Variants in RPRD2 observed in about 807,000 individuals in gnomAD.
The protein encoded by RPRD2 is regulation of nuclear pre-mRNA domain containing 2, also known as regulation of nuclear pre-mRNA domain-containing protein 2.
In RPRD2, 12 loss-of-function variants were observed where a neutral mutation model predicts 104.4. The observed-to-expected ratio is 0.11, with a 90% confidence interval of 0.07 to 0.19. RPRD2 has a LOEUF of 0.19. Among genes scored for constraint, RPRD2 ranks in the 10% least tolerant of loss-of-function variants. The pLI, the probability that RPRD2 is intolerant of heterozygous loss-of-function variation, is 1.00. For missense variants in RPRD2, 1,543 were observed against 1,790.1 expected (o/e 0.86, Z 2.49); for synonymous variants, 714 against 684.9 (o/e 1.04, Z -0.66).
At chr1:150,417,171 CAT>C (rs1491324251) in intron 1 of RPRD2, among the ~76,000 whole-genome samples, 44 of 124,174 alleles carry the variant, frequency 3.5e-4, no homozygotes, top group Non-Finnish European at 7.3e-4. Flanking sequence ...ATGTTCAACT[CAT>C]TTTTTTTTTG....
chr1:150,394,022 AAT>A (rs1662295280), intron 1 of RPRD2, among the ~76,000 whole-genome samples: 1 of 151,956 alleles, frequency 6.6e-6, no homozygotes, highest in Admixed American at 6.6e-5. Flanking sequence ...TTGCTGAATT[AAT>A]GTTTTTTGTT....
At position 150,409,647 on chromosome 1, in the gene RPRD2, C is replaced by CTTTT. The variant is rs10684353; in HGVS notation, c.206-7933_206-7930dup. Among the ~76,000 whole-genome samples, 63 of 114,598 alleles carry CTTTT rather than the reference C, an allele frequency of 5.5e-4. 1 individual carries two copies. The highest frequency in any genetic ancestry group is 1.3e-3 in the African/African-American group (42 of 31,128). The allele number at this position is 114,598 out of a possible 152,430, so 75.2% of individuals were successfully genotyped here. A position where few individuals can be genotyped will look rare whatever the true frequency, so the allele number is the denominator to read the frequency against. On this transcript the variant is annotated intron_variant, in intron 1 of 10. Transcript: ENST00000369068. Reference sequence around the variant, plus strand: ...GTGTTGTTGGCTTGATGTTGCAATTCTTTTTTTTTTTTTTTTTTTGAGTCG... The same window carrying CTTTT: ...GTGTTGTTGGCTTGATGTTGCAATTCTTTTTTTTTTTTTTTTTTTTTTTGAGTCG...
intron 1 of RPRD2, among the ~76,000 whole-genome samples, chr1:150,410,528 G>A (rs1663816885): frequency 6.6e-6 from 1 of 152,142 alleles, no homozygotes; most frequent in Admixed American, 6.6e-5. Flanking sequence ...TGTTAAAAAA[G>A]TTTCAAGAGT....
rs1255574614 is a variant in RPRD2, at chr1:150,472,542, C to T, written c.3594C>T (p.Pro1198=). The T allele has an allele frequency of 1.2e-6, 2 of 1,613,968 alleles. No homozygotes were observed. Among genetic ancestry groups the T allele is most frequent in the Non-Finnish European group, 8.5e-7 (1 of 1,179,860 alleles). The change falls in exon 11 of 11, where the codon CCC becomes CCT. Residue 1198 remains proline, a synonymous_variant. Transcript: ENST00000369068. ...TTGAGCATCATCTTCCCCCATCCCC[C>T]TTGGAACATGGGACACCCTTCCAGA... ...STFEHHLPPS[P]LEHGTPFQRE...
In RPRD2 at chr1:150,473,403, GTTGTTT is replaced by G. The variant is rs920115614; in HGVS notation, c.*72_*77del. ...GGAAGTAGGAGTTTGGTTTATTGTT[GTTGTTT>G]TTATTTGTTTTCTCTTTCTCGATTT... is the stretch of plus-strand genomic sequence containing the variant. On this transcript the variant is annotated 3_prime_UTR_variant, in exon 11 of 11. Coordinates refer to ENST00000369068, the MANE Select transcript of RPRD2 (RefSeq NM_015203.5). The G allele has an allele frequency of 7.0e-7, 1 of 1,422,254 alleles. No individual in the cohort carries two copies. Among genetic ancestry groups the G allele is most frequent in the Admixed American group, 2.4e-5 (1 of 42,388 alleles). 88.1% of individuals were successfully genotyped at this position (1,422,254 alleles called of 1,614,324 possible). A position where few individuals can be genotyped will look rare whatever the true frequency, so the allele number is the denominator to read the frequency against.
At chr1:150,402,732 C>A (rs1378036019) in intron 1 of RPRD2, among the ~76,000 whole-genome samples, 1 of 151,954 alleles carries the variant, frequency 6.6e-6, no homozygotes, top group Non-Finnish European at 1.5e-5. Context: ...TTTGGGAGGC[C>A]GAGGTGGGCA....
At chr1:150,434,595 C>G (rs1560199491) in intron 2 of RPRD2, among the ~76,000 whole-genome samples, 1 of 152,030 alleles carries the variant, frequency 6.6e-6, no homozygotes, top group Admixed American at 6.6e-5. Context: ...GCGGGTGGAT[C>G]ATTTGAGGTC....
At chr1:150,439,236 A>G (rs1553893854) in intron 2 of RPRD2, among the ~76,000 whole-genome samples, 1 of 152,236 alleles carries the variant, frequency 6.6e-6, no homozygotes, top group Non-Finnish European at 1.5e-5. Flanking sequence ...CAGCATTACT[A>G]TCTTACAGTC....
At position 150,447,334 on chromosome 1, in the gene RPRD2, CTTT is replaced by C. The variant is rs34565214; in HGVS notation, c.870+948_870+950del. On this transcript the variant is annotated intron_variant, in intron 7 of 10. Coordinates refer to ENST00000369068, the MANE Select transcript of RPRD2 (RefSeq NM_015203.5). ...CATGTAAATTGACTGAATTAAGGAA[CTTT>C]TTTTTTTTTTTTTTGAGACGGAGTT... Among the ~76,000 whole-genome samples the C allele has an allele frequency of 1.1e-3, 148 of 136,130 alleles. 2 individuals carry two copies. In the East Asian group the frequency reaches 0.025, roughly 23 times the overall value. The allele number at this position is 136,130 out of a possible 152,430, so 89.3% of individuals were successfully genotyped here.
chr1:150,390,259 C>T (rs973767946), intron 1 of RPRD2, among the ~76,000 whole-genome samples: 3 of 152,094 alleles, frequency 2.0e-5, no homozygotes, highest in African/African-American at 4.8e-5. Context: ...TTTGGGAGGC[C>T]GAGGCAGGCA....
rs1459774848 is a variant in RPRD2, at chr1:150,454,591, T to TA, written c.871-2695dup. 2.0e-5 allele frequency among the ~76,000 whole-genome samples: 3 copies of TA among 152,288 alleles called. No homozygotes were observed. In the East Asian group the frequency reaches 5.8e-4, roughly 29 times the overall value. ...GGCTGGGCACAGTGGCTCACACGTG[T>TA]AATCCCAGCACTTTGGGAGGCTGGG... On this transcript the variant is annotated intron_variant, in intron 7 of 10. Transcript: ENST00000369068.
rs945572366 is a variant in RPRD2, at chr1:150,382,397, T to G, written c.205+17478T>G. ...TTTTTTGTTTGTTAATTTGTTTGTT[T>G]GTTTTGAGACAGAGTTTGGCTCTGT... On this transcript the variant is annotated intron_variant, in intron 1 of 10. Coordinates refer to ENST00000369068, the MANE Select transcript of RPRD2 (RefSeq NM_015203.5). Among the ~76,000 whole-genome samples the G allele has an allele frequency of 1.6e-4, 25 of 152,212 alleles. 1 individual carries two copies. Among genetic ancestry groups the G allele is most frequent in the Admixed American group, 6.5e-5 (1 of 15,274 alleles).
chr1:150,399,936 C>T (rs1437062105), intron 1 of RPRD2, among the ~76,000 whole-genome samples: 1 of 151,710 alleles, frequency 6.6e-6, no homozygotes, highest in Admixed American at 6.6e-5. Context: ...ACAAATAATC[C>T]TGCTGGGATT....
intron 10 of RPRD2, among the ~76,000 whole-genome samples, chr1:150,470,067 C>A (rs1668499669): frequency 6.6e-6 from 1 of 151,822 alleles, no homozygotes; most frequent in South Asian, 2.1e-4. Flanking sequence ...TTGAAAATAA[C>A]AATGTATATT....
At chr1:150,425,348 T>G (rs1290521414) in intron 2 of RPRD2, among the ~76,000 whole-genome samples, 2 of 152,096 alleles carry the variant, frequency 1.3e-5, no homozygotes, top group Non-Finnish European at 2.9e-5. Context: ...TGCTTTATGA[T>G]TTAAGAAATT....
chr1:150,371,778 A>G (rs1553878394), intron 1 of RPRD2, among the ~76,000 whole-genome samples: 4 of 152,138 alleles, frequency 2.6e-5, no homozygotes, highest in Non-Finnish European at 1.5e-5. Context: ...ACTCTTACCC[A>G]CCATCCTACA....
At chr1:150,431,192 T>C (rs1490318290) in intron 2 of RPRD2, among the ~76,000 whole-genome samples, 2 of 152,176 alleles carry the variant, frequency 1.3e-5, no homozygotes, top group Non-Finnish European at 2.9e-5. Flanking sequence ...TTACATTTCT[T>C]GTAGTAATGT....
intron 1 of RPRD2, among the ~76,000 whole-genome samples, chr1:150,377,662 A>G (rs782559884): frequency 2.6e-5 from 4 of 151,954 alleles, no homozygotes; most frequent in Non-Finnish European, 4.4e-5. Flanking sequence ...GGTTCTGGGA[A>G]GTATAATAAT....
intron 2 of RPRD2, among the ~76,000 whole-genome samples, chr1:150,440,455 T>C (rs1004259927): frequency 2.6e-5 from 4 of 152,232 alleles, no homozygotes; most frequent in African/African-American, 9.6e-5. Context: ...ACTTCCCTCA[T>C]TGTTACTATG....
Sources: allele counts gnomAD v4.1 joint callset (sites outside exome capture counted in the v4.1 genomes callset), GRCh38; gene constraint gnomAD v4.1.1; transcripts MANE v1.5; gene names NCBI Gene and HGNC (gene_info 2026-07-23, HGNC 2026-07-21).